The following ADAMTSL1 variants were observed in gnomAD, a reference collection of about 807,000 sequenced individuals.
ADAMTSL1 encodes ADAMTS-like protein 1.
Under a neutral mutation model 201.8 loss-of-function variants are expected in ADAMTSL1, and 126 were observed. That is an observed-to-expected ratio of 0.62 (90% CI 0.54 to 0.72). ADAMTSL1 has a LOEUF of 0.72. Among genes scored for constraint, ADAMTSL1 ranks in the 30% least tolerant of loss-of-function variants. The pLI is 0.00. For missense variants in ADAMTSL1, 2,679 were observed against 2,277.8 expected (o/e 1.18, Z -3.59); for synonymous variants, 1,121 against 903.4 (o/e 1.24, Z -4.32).
intron 2 of ADAMTSL1, among the ~76,000 whole-genome samples, chr9:18,410,999 G>A (rs1317502423): frequency 1.3e-5 from 2 of 150,312 alleles, no homozygotes; most frequent in South Asian, 2.1e-4. Flanking sequence ...ACACCACCAC[G>A]CCTGGCTAGT....
At chr9:18,768,069 AG>A (rs1328476434) in intron 16 of ADAMTSL1, among the ~76,000 whole-genome samples, 1 of 152,252 alleles carries the variant, frequency 6.6e-6, no homozygotes, top group Non-Finnish European at 1.5e-5. Flanking sequence ...ACTAGAATAT[AG>A]ATGAACTACT....
rs1042553925 is a variant in ADAMTSL1 at position 18,079,636 on chromosome 9, C to T, written c.88-84226C>T. Among the ~76,000 whole-genome samples the T allele has an allele frequency of 4.0e-5, 6 of 150,960 alleles. No homozygotes were observed. In the East Asian group the frequency reaches 9.7e-4, roughly 24 times the overall value. On this transcript the variant is annotated intron_variant, in intron 1 of 29. Coordinates refer to the ADAMTSL1 transcript ENST00000680146. ...GCTGGAGCTTGCAGTGAGCCGAGAT[C>T]GCACCACTGCACTCCAGTCTGGGAG... is the stretch of plus-strand genomic sequence containing the variant.
chr9:18,243,542 A>G (rs1831145703), intron 2 of ADAMTSL1, among the ~76,000 whole-genome samples: 1 of 151,706 alleles, frequency 6.6e-6, no homozygotes, highest in Non-Finnish European at 1.5e-5. Flanking sequence ...CCTCTCTGGT[A>G]CTCTGCTTGC....
intron 4 of ADAMTSL1, among the ~76,000 whole-genome samples, chr9:18,589,812 G>A (rs371564983): frequency 9.2e-5 from 14 of 152,136 alleles, no homozygotes; most frequent in Middle Eastern, 6.8e-3. Flanking sequence ...TCTTTTCAGC[G>A]TCTATTGAAA....
rs1341179432 is a variant in ADAMTSL1 at position 18,029,708 on chromosome 9, A to G, written c.87+122786A>G. On this transcript the variant is annotated intron_variant, in intron 1 of 29. Transcript: ENST00000680146. ...ACTCAAACAAATTTACAAGAAAAAAACAAACAACCCCATCAAAAAGTGGGT... is the reference window on the plus strand; with the variant it reads ...ACTCAAACAAATTTACAAGAAAAAAGCAAACAACCCCATCAAAAAGTGGGT... Among the ~76,000 whole-genome samples, 3 of 152,136 alleles carry G rather than the reference A, an allele frequency of 2.0e-5. No individual in the cohort carries two copies. The East Asian group carries it at 5.8e-4, about 29-fold the overall frequency.
intron 19 of ADAMTSL1, among the ~76,000 whole-genome samples, chr9:18,791,253 C>A (rs922304409): frequency 6.6e-6 from 1 of 152,154 alleles, no homozygotes; most frequent in Non-Finnish European, 1.5e-5. Flanking sequence ...CTGCATGGGA[C>A]CCCCCTCCAG....
intron 23 of ADAMTSL1, among the ~76,000 whole-genome samples, chr9:18,841,962 A>G (rs1463160653): frequency 3.3e-5 from 5 of 151,430 alleles, no homozygotes; most frequent in East Asian, 1.9e-4. Flanking sequence ...CGGTCTATCA[A>G]TTTTGTTGAT....
At chr9:18,520,755 A>G (rs935383950) in intron 2 of ADAMTSL1, among the ~76,000 whole-genome samples, 1 of 152,136 alleles carries the variant, frequency 6.6e-6, no homozygotes, top group Non-Finnish European at 1.5e-5. Context: ...AACAGAAAGC[A>G]TTTTCAAAAG....
intron 1 of ADAMTSL1, among the ~76,000 whole-genome samples, chr9:18,121,370 G>T (rs1003017552): frequency 6.6e-6 from 1 of 152,186 alleles, no homozygotes; most frequent in African/African-American, 2.4e-5. Context: ...TAATGAATCT[G>T]TATTGGTCTT....
intron 4 of ADAMTSL1, among the ~76,000 whole-genome samples, chr9:18,599,996 C>CAAA (rs57914274): frequency 9.2e-5 from 8 of 86,948 alleles, no homozygotes; most frequent in African/African-American, 2.4e-4. Flanking sequence ...ACTAAAAATA[C>CAAA]AAAAAAAAAA....
intron 2 of ADAMTSL1, among the ~76,000 whole-genome samples, chr9:18,401,865 T>G (rs1818000200): frequency 6.6e-6 from 1 of 152,256 alleles, no homozygotes; most frequent in South Asian, 2.1e-4. Flanking sequence ...GGAGGACCGT[T>G]CTCACCTGCA....
At position 18,631,459 on chromosome 9, in the gene ADAMTSL1, T is replaced by C. The variant is rs145235868; in HGVS notation, c.602-4484T>C. ...AAGATTGGCAGACTATTTTTATACA[T>C]AGTCAATTGTATTTTAAAATGACTC... is the stretch of plus-strand genomic sequence containing the variant. On this transcript the variant is annotated intron_variant, in intron 5 of 28. Coordinates refer to ENST00000380548, the MANE Select transcript of ADAMTSL1 (RefSeq NM_001040272.6). Among the ~76,000 whole-genome samples, 1,198 of 152,304 alleles carry C rather than the reference T, an allele frequency of 7.9e-3. 14 individuals carry two copies. Among genetic ancestry groups the C allele is most frequent in the Middle Eastern group, 0.014 (4 of 294 alleles).
intron 15 of ADAMTSL1, among the ~76,000 whole-genome samples, chr9:18,730,826 C>T (rs934204312): frequency 6.6e-6 from 1 of 152,178 alleles, no homozygotes; most frequent in African/African-American, 2.4e-5. Flanking sequence ...GGTGTCTTCT[C>T]TGTAACTTAC....
intron 1 of ADAMTSL1, among the ~76,000 whole-genome samples, chr9:17,973,027 T>C (rs1818278907): frequency 3.4e-5 from 2 of 58,030 alleles, no homozygotes; most frequent in African/African-American, 5.5e-5. Context: ...TTTTTTCTTG[T>C]AAATTTGTTT....
intron 1 of ADAMTSL1, among the ~76,000 whole-genome samples, chr9:18,118,989 G>C (rs1825382816): frequency 6.6e-6 from 1 of 152,170 alleles, no homozygotes; most frequent in African/African-American, 2.4e-5. Context: ...GAGAGGTTGA[G>C]AGCATGGACT....
At chr9:18,571,945 C>A (rs1015858862) in intron 3 of ADAMTSL1, among the ~76,000 whole-genome samples, 6 of 152,138 alleles carry the variant, frequency 3.9e-5, no homozygotes, top group African/African-American at 1.4e-4. Context: ...ATAATCCCAG[C>A]ACTTTGAGAG....
At chr9:18,277,916 G>C (rs1317713412) in intron 2 of ADAMTSL1, among the ~76,000 whole-genome samples, 16 of 151,908 alleles carry the variant, frequency 1.1e-4, no homozygotes, top group Non-Finnish European at 2.9e-5. Context: ...TTTTTTTGTA[G>C]TGGAATGGTT....
At chr9:18,342,108 G>A (rs1835488211) in intron 2 of ADAMTSL1, among the ~76,000 whole-genome samples, 1 of 152,022 alleles carries the variant, frequency 6.6e-6, no homozygotes, top group South Asian at 2.1e-4. Flanking sequence ...CCTCAAGCCC[G>A]ATCTTACTCC....
chr9:18,197,958 T>C (rs1020550172), intron 2 of ADAMTSL1, among the ~76,000 whole-genome samples: 8 of 152,074 alleles, frequency 5.3e-5, no homozygotes, highest in Admixed American at 3.9e-4. Flanking sequence ...ATGCCGCATA[T>C]CTACAACGAT....
Sources: gnomAD v4.1 joint callset for allele counts (sites outside exome capture counted in the v4.1 genomes callset) on GRCh38, gnomAD v4.1.1 for gene constraint, MANE v1.5 for transcripts, NCBI Gene and HGNC (gene_info 2026-07-23, HGNC 2026-07-21) for gene names.